FECH: variants seen among roughly 807,000 people sequenced by gnomAD.
FECH encodes the protein ferrochelatase, also known as ferrochelatase, mitochondrial.
Under a neutral mutation model 56.9 loss-of-function variants are expected in FECH, and 40 were observed. The observed-to-expected ratio is 0.70, with a 90% CI of 0.55 to 0.92. The LOEUF is 0.92. Ranked by LOEUF, FECH falls within the 40% of genes least tolerant of loss-of-function variation. The pLI is 0.00. For synonymous variants in FECH, 175 were observed against 198.6 expected, an observed-to-expected ratio of 0.88 and a Z score of 1.00; for missense variants, 431 against 529.1, an observed-to-expected ratio of 0.81 and a Z score of 1.82.
At chr18:57,576,150 A>G (rs1227483220) in intron 2 of FECH, among the ~76,000 whole-genome samples, 1 of 152,170 alleles carries the variant, frequency 6.6e-6, no homozygotes, top group African/African-American at 2.4e-5. Flanking sequence ...ACCCCACCCC[A>G]GTGTGACAAC....
At chr18:57,571,685 G>A in intron 3 of FECH, 145 bp from the exon 4 acceptor site, 2 of 1,102,490 alleles carry the variant, frequency 1.8e-6, no homozygotes, top group Non-Finnish European at 2.6e-6. Context: ...TGAGGTCATT[G>A]ACAATAGCCA....
At chr18:57,567,411 T>C (rs572884353) in intron 4 of FECH, among the ~76,000 whole-genome samples, 1 of 152,344 alleles carries the variant, frequency 6.6e-6, no homozygotes, top group South Asian at 2.1e-4. Flanking sequence ...TCCTCCCGCA[T>C]CTTCCTTTCT....
chr18:57,555,737 A>G (rs1023441474), intron 7 of FECH, among the ~76,000 whole-genome samples: 7 of 152,208 alleles, frequency 4.6e-5, no homozygotes, highest in Non-Finnish European at 1.0e-4. Flanking sequence ...CTCTGCAAAC[A>G]AAGATTTTTC....
chr18:57,562,768 C>T lies in FECH; in HGVS notation c.705+106G>A, dbSNP rs974182462. On this transcript the variant is annotated intron_variant, in intron 6 of 10. Coordinates refer to ENST00000262093, the MANE Select transcript of FECH (RefSeq NM_000140.5). ...TTTAATCCCAAACACACAATTTAAG[C>T]AAGGGAACAGTAAGGCTCAGAAGGA... 7.4e-6 allele frequency: 6 copies of T among 810,482 alleles called. No homozygotes were observed. In the Admixed American group the frequency reaches 9.2e-5, roughly 12 times the overall value. The allele number at this position is 810,482 out of a possible 1,614,324, so 50.2% of individuals were successfully genotyped here.
At chr18:57,572,365 G>C (rs1309409524) in intron 3 of FECH, among the ~76,000 whole-genome samples, 1 of 151,898 alleles carries the variant, frequency 6.6e-6, no homozygotes, top group Non-Finnish European at 1.5e-5. Context: ...TGAACAATGA[G>C]AACACTTGGA....
chr18:57,554,964 A>G lies in FECH; in HGVS notation c.805-12T>C. The G allele has an allele frequency of 6.2e-7, 1 of 1,605,696 alleles. No homozygotes were observed. On this transcript the variant is annotated splice_polypyrimidine_tract_variant and intron_variant, in intron 7 of 10. Transcript: ENST00000262093. ...CCTCTGTTGACCACCTGCAGCAGAG[A>G]CACAATGGGTGTTCAGCCATTAACA...
intron 2 of FECH, among the ~76,000 whole-genome samples, chr18:57,577,717 G>T (rs2051203230): frequency 6.6e-6 from 1 of 152,180 alleles, no homozygotes; most frequent in Non-Finnish European, 1.5e-5. Flanking sequence ...GTACAGTACG[G>T]TCACATCTTG....
intron 2 of FECH, among the ~76,000 whole-genome samples, chr18:57,577,247 AC>A (rs2122344797): frequency 6.6e-6 from 1 of 152,130 alleles, no homozygotes; most frequent in Admixed American, 6.5e-5. Flanking sequence ...ACACACATAC[AC>A]CCCTACTGCC....
intron 2 of FECH, among the ~76,000 whole-genome samples, chr18:57,575,995 C>T (rs2051180577): frequency 6.6e-6 from 1 of 152,200 alleles, no homozygotes; most frequent in Admixed American, 6.5e-5. Context: ...TCCCTTTTCA[C>T]ATCAATGCCT....
chr18:57,569,690 T>C (rs528956736), intron 4 of FECH, among the ~76,000 whole-genome samples: 5 of 152,100 alleles, frequency 3.3e-5, no homozygotes, highest in Non-Finnish European at 5.9e-5. Context: ...CCCAAACTGC[T>C]GGGGTGTGCC....
At chr18:57,585,708 C>T (rs2051360290) in intron 1 of FECH, among the ~76,000 whole-genome samples, 1 of 152,154 alleles carries the variant, frequency 6.6e-6, no homozygotes, top group African/African-American at 2.4e-5. Flanking sequence ...GTCCAGTCAC[C>T]GTTCGGATGC....
intron 9 of FECH, among the ~76,000 whole-genome samples, chr18:57,553,792 G>A (rs191438147): frequency 5.9e-5 from 9 of 152,236 alleles, no homozygotes; most frequent in East Asian, 1.9e-4. Context: ...TTCATTTCAC[G>A]CTCTTCTTTT....
intron 6 of FECH, among the ~76,000 whole-genome samples, chr18:57,559,711 T>C (rs2050917140): frequency 6.6e-6 from 1 of 152,224 alleles, no homozygotes; most frequent in South Asian, 2.1e-4. Context: ...AAGAAAATAC[T>C]GCTCTATTTT....
intron 4 of FECH, among the ~76,000 whole-genome samples, chr18:57,570,697 G>A (rs893493361): frequency 7.9e-5 from 12 of 152,250 alleles, no homozygotes; most frequent in Admixed American, 2.6e-4. Context: ...AAAATTAACC[G>A]GTAGTGCTTT....
At chr18:57,577,957 G>GTT (rs34611377) in intron 2 of FECH, among the ~76,000 whole-genome samples, 19 of 150,440 alleles carry the variant, frequency 1.3e-4, no homozygotes, top group African/African-American at 1.5e-4. Flanking sequence ...ATGTTTTAAG[G>GTT]TTTTTTTTGT....
intron 8 of FECH, 36 bp from the exon 9 acceptor site, chr18:57,554,460 T>C (rs1353058398): frequency 1.9e-6 from 3 of 1,613,062 alleles, no homozygotes; most frequent in Non-Finnish European, 1.7e-6. Flanking sequence ...AAGTGGACTA[T>C]GCCTCCTGAC....
At chr18:57,572,513 TAAAAAAAAAAAAA>T (rs57279341) in intron 3 of FECH, among the ~76,000 whole-genome samples, 1 of 55,994 alleles carries the variant, frequency 1.8e-5, no homozygotes, top group South Asian at 1.1e-3. Flanking sequence ...TATACGTATG[TAAAAAAAAAAAAA>T]AAAAAAAAAA....
chr18:57,569,053 G>A (rs2051056859), intron 4 of FECH, among the ~76,000 whole-genome samples: 1 of 152,164 alleles, frequency 6.6e-6, no homozygotes, highest in Admixed American at 6.5e-5. Context: ...TCAGAGAAAG[G>A]AACCCATACG....
chr18:57,572,588 T>TGG (rs34172858), intron 3 of FECH, among the ~76,000 whole-genome samples: 5,340 of 62,764 alleles, frequency 0.085, 390 homozygotes, highest in Middle Eastern at 0.12. Flanking sequence ...TGTAACGAAG[T>TGG]GGGGGGGGGG....
Sources: allele counts gnomAD v4.1 joint callset (sites outside exome capture counted in the v4.1 genomes callset), GRCh38; gene constraint gnomAD v4.1.1; transcripts MANE v1.5; gene names NCBI Gene and HGNC (gene_info 2026-07-23, HGNC 2026-07-21).